STXBP5L: variants seen among roughly 807,000 people sequenced by gnomAD.
STXBP5L encodes the protein syntaxin binding protein 5L.
Under a neutral mutation model 144.5 loss-of-function variants are expected in STXBP5L, and 65 were observed. The observed-to-expected ratio is 0.45, with a 90% CI of 0.37 to 0.55. STXBP5L has a LOEUF of 0.55. Among genes scored for constraint, STXBP5L ranks in the 20% least tolerant of loss-of-function variants. The probability of loss-of-function intolerance (pLI) is 0.00; values close to 1 mark genes in which losing one functional copy is unlikely to be tolerated. For synonymous variants in STXBP5L, 505 were observed against 469.6 expected (o/e 1.08, Z -0.97); for missense variants, 1,298 against 1,405.5 (o/e 0.92, Z 1.22).
At chr3:121,294,681 A>G (rs2051578003) in intron 19 of STXBP5L, among the ~76,000 whole-genome samples, 1 of 152,112 alleles carries the variant, frequency 6.6e-6, no homozygotes, top group South Asian at 2.1e-4. Flanking sequence ...AGAAAAGGAG[A>G]TTTGTGAATA....
chr3:120,960,606 G>T (rs1938657558), intron 3 of STXBP5L, among the ~76,000 whole-genome samples: 1 of 152,182 alleles, frequency 6.6e-6, no homozygotes, highest in Admixed American at 6.5e-5. Flanking sequence ...CATGTCCTTT[G>T]TAGGGACATG....
chr3:121,321,036 CTG>C (rs1264017855), intron 20 of STXBP5L, among the ~76,000 whole-genome samples: 1 of 152,140 alleles, frequency 6.6e-6, no homozygotes, highest in African/African-American at 2.4e-5. Context: ...ACTCAGAAAA[CTG>C]TGCATGCAAT....
At chr3:121,063,312 T>C (rs2041375019) in intron 5 of STXBP5L, among the ~76,000 whole-genome samples, 2 of 152,214 alleles carry the variant, frequency 1.3e-5, no homozygotes, top group Admixed American at 1.3e-4. Flanking sequence ...TTTGCTTGGG[T>C]ATCACCAGTG....
At chr3:121,181,119 CAAAAGAAGAG>C (rs1332499324) in intron 9 of STXBP5L, among the ~76,000 whole-genome samples, 165 of 75,828 alleles carry the variant, frequency 2.2e-3, no homozygotes, top group African/African-American at 8.1e-3. Context: ...AAGAAGAAAA[CAAAAGAAGAG>C]AAAAGAAGAG....
At chr3:121,215,061 A>C (rs1224816428) in intron 10 of STXBP5L, among the ~76,000 whole-genome samples, 1 of 151,654 alleles carries the variant, frequency 6.6e-6, no homozygotes, top group African/African-American at 2.4e-5. Context: ...CTTGGTAAAC[A>C]GTTCTCCATC....
At chr3:120,981,178 G>T (rs530723115) in intron 3 of STXBP5L, among the ~76,000 whole-genome samples, 2 of 152,020 alleles carry the variant, frequency 1.3e-5, no homozygotes, top group Non-Finnish European at 2.9e-5. Flanking sequence ...ATGAGTATAT[G>T]CCATGGTGAA....
chr3:121,131,453 A>G (rs996999805), intron 7 of STXBP5L, among the ~76,000 whole-genome samples: 1 of 152,192 alleles, frequency 6.6e-6, no homozygotes, highest in Admixed American at 6.5e-5. Context: ...GATAATACCA[A>G]TGCTACATAG....
chr3:121,334,747 A>G (rs2044446083), intron 20 of STXBP5L, among the ~76,000 whole-genome samples: 1 of 152,034 alleles, frequency 6.6e-6, no homozygotes, highest in Admixed American at 6.6e-5. Flanking sequence ...CCACATGATC[A>G]TCTCAGTTCA....
At chr3:120,917,960 A>G (rs1179659815) in intron 2 of STXBP5L, among the ~76,000 whole-genome samples, 3 of 152,236 alleles carry the variant, frequency 2.0e-5, no homozygotes, top group Admixed American at 6.5e-5. Context: ...GAAGTATGAC[A>G]TGGATGTCAC....
chr3:121,241,015 G>A (rs1162006399), intron 14 of STXBP5L, among the ~76,000 whole-genome samples: 1 of 152,070 alleles, frequency 6.6e-6, no homozygotes, highest in Non-Finnish European at 1.5e-5. Context: ...TCTGCTAATG[G>A]GAAGATAGAG....
At chr3:120,991,608 T>G (rs1261059082) in intron 3 of STXBP5L, among the ~76,000 whole-genome samples, 6 of 152,108 alleles carry the variant, frequency 3.9e-5, no homozygotes, top group African/African-American at 9.7e-5. Context: ...TAGACTGGAT[T>G]AAGAAAATGT....
intron 3 of STXBP5L, among the ~76,000 whole-genome samples, chr3:120,974,803 C>G (rs1464812676): frequency 6.6e-6 from 1 of 152,052 alleles, no homozygotes; most frequent in Non-Finnish European, 1.5e-5. Flanking sequence ...ATAGGGAATC[C>G]TTTCCCCATT....
At chr3:121,061,671 A>T (rs2041285247) in intron 5 of STXBP5L, among the ~76,000 whole-genome samples, 1 of 152,194 alleles carries the variant, frequency 6.6e-6, no homozygotes, top group Non-Finnish European at 1.5e-5. Flanking sequence ...GTGCAGATAT[A>T]TTTAGGATAG....
At chr3:120,992,206 C>T (rs979546459) in intron 3 of STXBP5L, among the ~76,000 whole-genome samples, 1 of 151,982 alleles carries the variant, frequency 6.6e-6, no homozygotes, top group East Asian at 1.9e-4. Flanking sequence ...GGAGCATAGG[C>T]AATATTTCAT....
chr3:120,919,118 T>C (rs183689842), intron 2 of STXBP5L, among the ~76,000 whole-genome samples: 2 of 152,096 alleles, frequency 1.3e-5, no homozygotes, highest in Non-Finnish European at 2.9e-5. Flanking sequence ...AGACACAGTA[T>C]GTGTCAAAGT....
At chr3:121,173,202 A>G (rs966628135) in intron 9 of STXBP5L, among the ~76,000 whole-genome samples, 1 of 152,066 alleles carries the variant, frequency 6.6e-6, no homozygotes, top group African/African-American at 2.4e-5. Context: ...TAGCAGAGGG[A>G]TAGCATTAGG....
intron 23 of STXBP5L, among the ~76,000 whole-genome samples, chr3:121,412,727 CAAAAAAAAAA>C (rs35247157): frequency 1.7e-4 from 12 of 69,596 alleles, no homozygotes; most frequent in South Asian, 6.1e-4. Flanking sequence ...TTTCTCCCTC[CAAAAAAAAAA>C]AAAAAAAAAA....
chr3:120,999,401 T>C (rs1943596035), intron 3 of STXBP5L, among the ~76,000 whole-genome samples: 1 of 152,296 alleles, frequency 6.6e-6, no homozygotes, highest in Non-Finnish European at 1.5e-5. Context: ...ACCCCAATTC[T>C]TTTTTCTTTT....
chr3:121,064,781 A>G (rs2041462200), intron 5 of STXBP5L, among the ~76,000 whole-genome samples: 1 of 152,148 alleles, frequency 6.6e-6, no homozygotes, highest in South Asian at 2.1e-4. Flanking sequence ...GGCATGTTTA[A>G]TGTTTATTAC....
Sources: gnomAD v4.1 joint callset for allele counts (sites outside exome capture counted in the v4.1 genomes callset) on GRCh38, gnomAD v4.1.1 for gene constraint, MANE v1.5 for transcripts, NCBI Gene and HGNC (gene_info 2026-07-23, HGNC 2026-07-21) for gene names.